Variants in TLK1 observed in about 807,000 individuals in gnomAD.
The protein encoded by TLK1 is tousled like kinase 1, also known as serine/threonine-protein kinase tousled-like 1.
A neutral mutation model predicts 105.3 loss-of-function variants in TLK1; 24 were observed. The ratio of observed to expected loss-of-function variants is 0.23; its 90% CI spans 0.17 to 0.32. TLK1 has a LOEUF of 0.32. TLK1 is among the 10% of genes least tolerant of loss of function. The pLI is 1.00. For synonymous variants in TLK1, 321 were observed against 310.4 expected, an observed-to-expected ratio of 1.03 and a Z score of -0.36; for missense variants, 558 against 910.5, an observed-to-expected ratio of 0.61 and a Z score of 4.98.
chr2:171,168,402 A>G lies in TLK1; in HGVS notation c.-5-50545T>C, dbSNP rs1305302914. On this transcript the variant is annotated intron_variant, in intron 1 of 20. Coordinates refer to the TLK1 transcript ENST00000521943. ...TAAAAAAATAAAAAAATAAACAGTCAAAATGCCACCATGAAGTAAGAGCGG... is the reference window on the plus strand; with the variant it reads ...TAAAAAAATAAAAAAATAAACAGTCGAAATGCCACCATGAAGTAAGAGCGG... Among the ~76,000 whole-genome samples the G allele has an allele frequency of 1.4e-4, 21 of 152,252 alleles. 1 individual carries two copies. The highest frequency in any genetic ancestry group is 1.5e-5 in the Non-Finnish European group (1 of 68,048).
intron 11 of TLK1, among the ~76,000 whole-genome samples, chr2:171,043,398 GA>G: frequency 6.6e-6 from 1 of 152,204 alleles, no homozygotes; most frequent in Non-Finnish European, 1.5e-5. Flanking sequence ...AGATAACGAA[GA>G]AGGAGCCAGA....
chr2:171,046,132 G>A (rs1478187138), intron 11 of TLK1, 42 bp downstream of exon 11: 1 of 1,456,536 alleles, frequency 6.9e-7, no homozygotes, highest in East Asian at 2.4e-5. Flanking sequence ...CACGCTCACT[G>A]GCAACAATTT....
rs1683809258 is a variant in TLK1, at chr2:170,992,066, T to C, written c.*1714A>G. Reference sequence around the variant, plus strand: ...AACAATTTACACTTGTCTTGAAGTATACTTAAGGAATTTATTCAGCTGATT... The same window carrying C: ...AACAATTTACACTTGTCTTGAAGTACACTTAAGGAATTTATTCAGCTGATT... On this transcript the variant is annotated 3_prime_UTR_variant, in exon 21 of 21. Transcript: ENST00000431350. 6.6e-6 allele frequency: 1 copy of C among 152,176 alleles called. No individual in the cohort carries two copies. The highest frequency in any genetic ancestry group is 2.4e-5 in the African/African-American group (1 of 41,442). 9.4% of individuals were successfully genotyped at this position (152,176 alleles called of 1,614,324 possible).
intron 11 of TLK1, among the ~76,000 whole-genome samples, chr2:171,038,789 T>C (rs1213587034): frequency 6.6e-6 from 1 of 152,208 alleles, no homozygotes; most frequent in Non-Finnish European, 1.5e-5. Context: ...TAAAAGAACA[T>C]GTATTCTGCA....
chr2:171,158,595 CGAATGAATGAAT>C (rs370984092), intron 1 of TLK1, among the ~76,000 whole-genome samples: 4 of 151,908 alleles, frequency 2.6e-5, no homozygotes, highest in South Asian at 2.1e-4. Flanking sequence ...ATTCGAGAAA[CGAATGAATGAAT>C]GAATGAATGA....
chr2:171,160,492 C>G lies in TLK1; in HGVS notation c.-64G>C, dbSNP rs887650176. The G allele has an allele frequency of 3.2e-6, 5 of 1,570,746 alleles. 1 individual carries two copies. Among genetic ancestry groups the G allele is most frequent in the South Asian group, 2.3e-5 (2 of 86,772 alleles). On this transcript the variant is annotated 5_prime_UTR_variant, in exon 1 of 21. Coordinates refer to ENST00000431350, the MANE Select transcript of TLK1 (RefSeq NM_012290.5). The surrounding 1 kb of genome is among the most constrained non-coding windows in gnomAD (Gnocchi z 4.4). ...GGCAGCGGCGGCAACGGCACCGGCACCCGCCTCCGTCATGGCGGGGGCCGC... is the reference window on the plus strand; with the variant it reads ...GGCAGCGGCGGCAACGGCACCGGCAGCCGCCTCCGTCATGGCGGGGGCCGC...
At chr2:171,028,028 T>C (rs1008604376) in intron 12 of TLK1, among the ~76,000 whole-genome samples, 1 of 152,074 alleles carries the variant, frequency 6.6e-6, no homozygotes, top group Non-Finnish European at 1.5e-5. Flanking sequence ...CCAGATGTGG[T>C]GGCGCATGCC....
intron 2 of TLK1, among the ~76,000 whole-genome samples, chr2:171,110,508 A>G (rs1690116755): frequency 6.6e-6 from 1 of 152,218 alleles, no homozygotes; most frequent in Non-Finnish European, 1.5e-5. Context: ...AGAAGTGGTT[A>G]TCTTCATAGA....
chr2:171,210,694 T>A (rs983127422), intron 1 of TLK1, among the ~76,000 whole-genome samples: 21 of 152,230 alleles, frequency 1.4e-4, no homozygotes, highest in African/African-American at 5.1e-4. Flanking sequence ...TTTTTTGCAT[T>A]GTATTGCAAC....
At chr2:171,112,832 C>T (rs1690242020) in intron 2 of TLK1, among the ~76,000 whole-genome samples, 1 of 152,098 alleles carries the variant, frequency 6.6e-6, no homozygotes, top group Admixed American at 6.5e-5. Context: ...AAGGATCTAA[C>T]AGCCGAAAAT....
intron 18 of TLK1, among the ~76,000 whole-genome samples, chr2:171,002,364 T>A (rs1684421158): frequency 6.6e-6 from 1 of 152,054 alleles, no homozygotes; most frequent in South Asian, 2.1e-4. Flanking sequence ...GTTCATGCCA[T>A]TCTCCTGCCT....
At chr2:171,078,230 T>G (rs1420028753) in intron 3 of TLK1, among the ~76,000 whole-genome samples, 1 of 152,120 alleles carries the variant, frequency 6.6e-6, no homozygotes, top group Non-Finnish European at 1.5e-5. Flanking sequence ...ACCCTACTGA[T>G]TCTACTTTTT....
intron 1 of TLK1, among the ~76,000 whole-genome samples, chr2:171,149,225 G>A (rs543886314): frequency 1.3e-5 from 2 of 150,712 alleles, no homozygotes; most frequent in Non-Finnish European, 2.9e-5. Flanking sequence ...GGTAGGGGCG[G>A]GCAGGGAGAA....
chr2:171,024,494 G>A (rs1045379961), intron 12 of TLK1, among the ~76,000 whole-genome samples: 6 of 151,988 alleles, frequency 3.9e-5, no homozygotes, highest in African/African-American at 9.7e-5. Flanking sequence ...CGTTCATCCC[G>A]CCACACACCA....
intron 1 of TLK1, among the ~76,000 whole-genome samples, chr2:171,151,193 T>C (rs1395355779): frequency 6.6e-6 from 1 of 152,004 alleles, no homozygotes; most frequent in East Asian, 1.9e-4. Flanking sequence ...AATTTTTGTA[T>C]ATTTTTGTAG....
rs987502035 is a variant in TLK1 at position 171,046,492 on chromosome 2, T to G, written c.981-130A>C. On this transcript the variant is annotated intron_variant, in intron 10 of 20. Coordinates refer to ENST00000431350, the MANE Select transcript of TLK1 (RefSeq NM_012290.5). ...TCGTAACCTTTTGGTTCCACTCTTG[T>G]GAACCAATTTGTACTTATCCTTCAG... The G allele has an allele frequency of 1.1e-5, 11 of 998,250 alleles. No homozygotes were observed. The African/African-American group carries it at 1.6e-4, about 15-fold the overall frequency. 61.8% of individuals were successfully genotyped at this position (998,250 alleles called of 1,614,324 possible). A position where few individuals can be genotyped will look rare whatever the true frequency, so the allele number is the denominator to read the frequency against.
At chr2:171,096,752 T>C (rs1297786982) in intron 2 of TLK1, among the ~76,000 whole-genome samples, 5 of 135,680 alleles carry the variant, frequency 3.7e-5, no homozygotes, top group African/African-American at 1.4e-4. Flanking sequence ...AGCAAGACCC[T>C]GTCTCAAAAA....
At chr2:171,167,880 C>T (rs1692638210) in intron 1 of TLK1, among the ~76,000 whole-genome samples, 1 of 151,982 alleles carries the variant, frequency 6.6e-6, no homozygotes, top group South Asian at 2.1e-4. Context: ...AACAAGCAAA[C>T]AGTGCTCATA....
chr2:171,082,962 T>A, intron 2 of TLK1, 110 bp from the exon 3 acceptor site: 1 of 738,316 alleles, frequency 1.4e-6, no homozygotes, highest in Non-Finnish European at 2.2e-6. Flanking sequence ...CATAAATAAA[T>A]AAAGTATAAT....
Sources: gnomAD v4.1 joint callset for allele counts (sites outside exome capture counted in the v4.1 genomes callset) on GRCh38, gnomAD v4.1.1 for gene constraint, Gnocchi (gnomAD v3.1) non-coding constraint, MANE v1.5 for transcripts, NCBI Gene and HGNC (gene_info 2026-07-23, HGNC 2026-07-21) for gene names.